Variants in SMG6 observed in about 807,000 individuals in gnomAD.
SMG6 encodes telomerase-binding protein EST1A.
A neutral mutation model predicts 142.2 loss-of-function variants in SMG6; 66 were observed. That is an observed-to-expected ratio of 0.46 (90% CI 0.38 to 0.57). The LOEUF (loss-of-function observed/expected upper bound fraction) is 0.57. Among genes scored for constraint, SMG6 ranks in the 20% least tolerant of loss-of-function variants. The pLI is 0.00. For synonymous variants in SMG6, 779 were observed against 702.4 expected (o/e 1.11, Z -1.72); for missense variants, 1,793 against 1,832.0 (o/e 0.98, Z 0.39).
intron 8 of SMG6, among the ~76,000 whole-genome samples, chr17:2,261,819 G>A (rs1050015243): frequency 6.6e-6 from 1 of 152,152 alleles, no homozygotes; most frequent in African/African-American, 2.4e-5. Context: ...AGCTTCCTAG[G>A]AGCACGAAGG....
At chr17:2,231,494 G>A (rs865935065) in intron 10 of SMG6, among the ~76,000 whole-genome samples, 21 of 152,120 alleles carry the variant, frequency 1.4e-4, no homozygotes, top group Non-Finnish European at 2.4e-4. Flanking sequence ...TCAGGAGTTC[G>A]AGACCAGCCT....
rs752707618 is a variant in SMG6 at position 2,090,537 on chromosome 17, A to G, written c.3358-4636T>C. Among the ~76,000 whole-genome samples, 7 of 152,232 alleles carry G rather than the reference A, an allele frequency of 4.6e-5. No homozygotes were observed. In the South Asian group the frequency reaches 6.2e-4, roughly 14 times the overall value. ...CTCTAGGGAGTGAGGGACTCGCTCT[A>G]TCGTTACCTGGTCCCCGTTTTCTCC... On this transcript the variant is annotated intron_variant, in intron 13 of 18. Transcript: ENST00000263073.
rs1479369097 is a variant in SMG6, at chr17:2,186,785, C to T, written c.3033G>A (p.Lys1011=). 1 of 1,614,198 alleles carries T rather than the reference C, an allele frequency of 6.2e-7. No homozygotes were observed. Among genetic ancestry groups the T allele is most frequent in the Non-Finnish European group, 8.5e-7 (1 of 1,180,020 alleles). ...TCAGGTCCGGGACAAAGGAAGACAC[C>T]TTGATGTCGTCTTGGTCATCCTGGT... ...PEDQDDQDDI[K]VSSFVPDLKE... Residue 1011 remains lysine (K), a synonymous_variant, in exon 12 of 19, where the codon AAG becomes AAA. Coordinates refer to ENST00000263073, the MANE Select transcript of SMG6 (RefSeq NM_017575.5).
chr17:2,199,401 G>A (rs1475114701), intron 10 of SMG6, among the ~76,000 whole-genome samples: 1 of 152,042 alleles, frequency 6.6e-6, no homozygotes, highest in African/African-American at 2.4e-5. Context: ...GGGAGGCTGA[G>A]GTGGGAGCAT....
intron 12 of SMG6, 109 bp from the exon 13 acceptor site, chr17:2,172,968 T>G (rs1471220028): frequency 9.3e-7 from 1 of 1,080,500 alleles, no homozygotes; most frequent in Non-Finnish European, 1.4e-6. Flanking sequence ...TTGTCTAGGC[T>G]GGCATCTGCC....
intron 13 of SMG6, among the ~76,000 whole-genome samples, chr17:2,166,382 G>A (rs554420358): frequency 1.5e-5 from 2 of 131,410 alleles, no homozygotes; most frequent in African/African-American, 6.3e-5. Context: ...AATGTAGCAC[G>A]CAAATAGAGA....
At chr17:2,069,607 AC>A (rs934550786) in intron 15 of SMG6, among the ~76,000 whole-genome samples, 3 of 152,156 alleles carry the variant, frequency 2.0e-5, no homozygotes, top group African/African-American at 7.2e-5. Flanking sequence ...AAAAACAAAA[AC>A]AACAACAACA....
At chr17:2,167,687 G>A (rs1597506487) in intron 13 of SMG6, among the ~76,000 whole-genome samples, 1 of 152,120 alleles carries the variant, frequency 6.6e-6, no homozygotes, top group East Asian at 1.9e-4. Context: ...CCCAGGCTGT[G>A]TTGGCAATAC....
chr17:2,303,330 G>A lies in SMG6; in HGVS notation c.88+303C>T, dbSNP rs373188998. ...TCCTTTCCGCGTCTCCCGATGCCTG[G>A]GAATCCGGGGCGGGTCTGAGAGGGC... On this transcript the variant is annotated intron_variant, in intron 1 of 18. Coordinates refer to ENST00000263073, the MANE Select transcript of SMG6 (RefSeq NM_017575.5). The A allele has an allele frequency of 3.8e-5, 44 of 1,162,888 alleles. No homozygotes were observed. The East Asian group carries it at 7.1e-4, about 19-fold the overall frequency. 72.0% of individuals were successfully genotyped at this position (1,162,888 alleles called of 1,614,324 possible).
intron 13 of SMG6, among the ~76,000 whole-genome samples, chr17:2,135,996 ATGTGTGTGTGTGTGTGTGTG>A (rs545225787): frequency 2.8e-5 from 4 of 141,106 alleles, no homozygotes; most frequent in East Asian, 2.1e-4. Context: ...ATATATATTT[ATGTGTGTGTGTGTGTGTGTG>A]TGTGTGTGTG....
At chr17:2,292,045 T>A (rs1174711834) in intron 6 of SMG6, among the ~76,000 whole-genome samples, 2 of 151,986 alleles carry the variant, frequency 1.3e-5, no homozygotes, top group African/African-American at 4.8e-5. Context: ...GCACAGTGAT[T>A]AGACCTAGGG....
chr17:2,128,024 C>A, intron 13 of SMG6: 1 of 445,006 alleles, frequency 2.2e-6, no homozygotes, highest in East Asian at 5.4e-5. Context: ...TTCCTACTCC[C>A]AGAAGAGCTG....
intron 8 of SMG6, among the ~76,000 whole-genome samples, chr17:2,282,059 G>T (rs2074799076): frequency 6.6e-6 from 1 of 152,170 alleles, no homozygotes; most frequent in Non-Finnish European, 1.5e-5. Context: ...CCACTAGAAT[G>T]CACTGAGACA....
intron 10 of SMG6, among the ~76,000 whole-genome samples, chr17:2,225,309 T>A (rs2073284380): frequency 6.7e-6 from 1 of 148,232 alleles, no homozygotes; most frequent in Non-Finnish European, 1.5e-5. Flanking sequence ...GAACTCCATC[T>A]TTACTAAAAA....
intron 15 of SMG6, among the ~76,000 whole-genome samples, chr17:2,075,365 G>A (rs532316930): frequency 2.0e-5 from 3 of 152,326 alleles, no homozygotes; most frequent in Non-Finnish European, 4.4e-5. Flanking sequence ...ACATGTCATT[G>A]CTGGCCACAG....
Position 2,135,996 on chromosome 17 carries a change from A to ATGTGTG in SMG6, c.3357+36656_3357+36661dup, listed in dbSNP as rs545225787. 9.7e-3 allele frequency among the ~76,000 whole-genome samples: 1,371 copies of ATGTGTG among 141,198 alleles called. 12 individuals carry two copies. Among genetic ancestry groups the ATGTGTG allele is most frequent in the African/African-American group, 0.017 (628 of 37,694 alleles). 92.6% of individuals were successfully genotyped at this position (141,198 alleles called of 152,430 possible). ...CCACACCTAGCCTATATATATATTTATGTGTGTGTGTGTGTGTGTGTGTGT... is the reference window on the plus strand; with the variant it reads ...CCACACCTAGCCTATATATATATTTATGTGTGTGTGTGTGTGTGTGTGTGTGTGTGT... On this transcript the variant is annotated intron_variant, in intron 13 of 18. Coordinates refer to ENST00000263073, the MANE Select transcript of SMG6 (RefSeq NM_017575.5).
At chr17:2,078,947 T>C (rs773765022) in intron 15 of SMG6, among the ~76,000 whole-genome samples, 20 of 146,798 alleles carry the variant, frequency 1.4e-4, no homozygotes, top group Admixed American at 2.0e-4. Context: ...AGACTAAGGT[T>C]TGATGAAGAT....
intron 12 of SMG6, among the ~76,000 whole-genome samples, chr17:2,180,586 G>A (rs949453825): frequency 6.6e-6 from 1 of 152,160 alleles, no homozygotes; most frequent in East Asian, 1.9e-4. Flanking sequence ...TGCTGTTGTG[G>A]TTTTGACTGG....
At chr17:2,072,008 A>G (rs1327798142) in intron 15 of SMG6, 1 of 151,922 alleles carries the variant, frequency 6.6e-6, no homozygotes, top group Non-Finnish European at 1.5e-5. Context: ...TAAGAGGAGG[A>G]CACAGGATGC....
Sources: allele counts gnomAD v4.1 joint callset (sites outside exome capture counted in the v4.1 genomes callset), GRCh38; gene constraint gnomAD v4.1.1; transcripts MANE v1.5; gene names NCBI Gene and HGNC (gene_info 2026-07-23, HGNC 2026-07-21).